CPEB2: variants seen among roughly 807,000 people sequenced by gnomAD.
The protein encoded by CPEB2 is cytoplasmic polyadenylation element binding protein 2.
Under a neutral mutation model 93.6 loss-of-function variants are expected in CPEB2, and 56 were observed. That is an observed-to-expected ratio of 0.60 (90% CI 0.48 to 0.75). CPEB2 has a LOEUF of 0.75. Among genes scored for constraint, CPEB2 ranks in the 30% least tolerant of loss-of-function variants. CPEB2 has a pLI of 0.00. For synonymous variants in CPEB2, 764 were observed against 586.3 expected, an observed-to-expected ratio of 1.30 and a Z score of -4.38; for missense variants, 1,579 against 1,395.1, an observed-to-expected ratio of 1.13 and a Z score of -2.10.
chr4:15,003,579 C>T lies in CPEB2; in HGVS notation c.906C>T (p.Ala302=). Residue 302 remains alanine, a synonymous_variant, in exon 1 of 12, where the codon GCC becomes GCT. Transcript: ENST00000538197. ...CCGAGTCCCCCAATGCGGGCTTGGCCTCCTCGACGCCGGTGAACCCCGCGC... is the reference window on the plus strand; with the variant it reads ...CCGAGTCCCCCAATGCGGGCTTGGCTTCCTCGACGCCGGTGAACCCCGCGC... ...SAAESPNAGL[A]SSTPVNPAPG... 2.7e-6 allele frequency: 4 copies of T among 1,475,132 alleles called. No homozygotes were observed. Among genetic ancestry groups the T allele is most frequent in the Non-Finnish European group, 2.7e-6 (3 of 1,117,386 alleles). The allele number at this position is 1,475,132 out of a possible 1,614,324, so 91.4% of individuals were successfully genotyped here.
intron 5 of CPEB2, among the ~76,000 whole-genome samples, chr4:15,033,452 T>A (rs1409518755): frequency 6.6e-6 from 1 of 152,206 alleles, no homozygotes; most frequent in East Asian, 1.9e-4. Context: ...CAGTCCTGGT[T>A]TGAATATTGC....
At chr4:15,057,707 CCAGA>C (rs910247454) in intron 8 of CPEB2, among the ~76,000 whole-genome samples, 4 of 152,226 alleles carry the variant, frequency 2.6e-5, no homozygotes, top group Non-Finnish European at 5.9e-5. Context: ...TAGATAGTCT[CCAGA>C]CAGTTTGAAA....
chr4:15,003,893 CGCCACCCCAGCA>C lies in CPEB2; in HGVS notation c.1224_1235del (p.Gln411_Gln414del), dbSNP rs1472954672. 4.5e-6 allele frequency: 4 copies of C among 884,004 alleles called. No individual in the cohort carries two copies. The highest frequency in any genetic ancestry group is 4.3e-5 in the Admixed American group (1 of 23,142). The allele number at this position is 884,004 out of a possible 1,614,324, so 54.8% of individuals were successfully genotyped here. On this transcript the variant is annotated inframe_deletion, in exon 1 of 12. Transcript: ENST00000538197. Reference sequence around the variant, plus strand: ...CCGACCCAGCCGCAGCAGCAGCCGCCGCCACCCCAGCAGCCGCCCCAGCCGCAGCCGCAGCCG... The same window carrying C: ...CCGACCCAGCCGCAGCAGCAGCCGCCGCCGCCCCAGCCGCAGCCGCAGCCG...
At chr4:15,055,995 C>T (rs1728681797) in intron 8 of CPEB2, among the ~76,000 whole-genome samples, 1 of 152,200 alleles carries the variant, frequency 6.6e-6, no homozygotes, top group African/African-American at 2.4e-5. Context: ...GTGTCTTTCA[C>T]TCCTAGCACT....
In CPEB2 at chr4:15,002,645, G is replaced by A. The variant is rs1371721578; in HGVS notation, c.-29G>A. 6 of 1,471,936 alleles carry A rather than the reference G, an allele frequency of 4.1e-6. No individual in the cohort carries two copies. The highest frequency in any genetic ancestry group is 4.5e-6 in the Non-Finnish European group (5 of 1,110,666). The allele number at this position is 1,471,936 out of a possible 1,614,324, so 91.2% of individuals were successfully genotyped here. A position where few individuals can be genotyped will look rare whatever the true frequency, so the allele number is the denominator to read the frequency against. On this transcript the variant is annotated 5_prime_UTR_variant, in exon 1 of 12. Transcript: ENST00000538197. ...CTAGGTGGGGCAGGGGACGAGGAGCGTCTCCTCCCGCTGCCGGCGGCCTGA... is the reference window on the plus strand; with the variant it reads ...CTAGGTGGGGCAGGGGACGAGGAGCATCTCCTCCCGCTGCCGGCGGCCTGA...
Position 15,002,625 on chromosome 4 carries a change from T to C in CPEB2, c.-49T>C. On this transcript the variant is annotated 5_prime_UTR_variant, in exon 1 of 12. Coordinates refer to ENST00000538197, the MANE Select transcript of CPEB2 (RefSeq NM_001177382.2). Reference sequence around the variant, plus strand: ...ACCCCAGCGCCGGCGGCTTCCTAGGTGGGGCAGGGGACGAGGAGCGTCTCC... The same window carrying C: ...ACCCCAGCGCCGGCGGCTTCCTAGGCGGGGCAGGGGACGAGGAGCGTCTCC... The C allele has an allele frequency of 7.0e-7, 1 of 1,420,462 alleles. No homozygotes were observed. The highest frequency in any genetic ancestry group is 9.2e-7 in the Non-Finnish European group (1 of 1,081,732). 88.0% of individuals were successfully genotyped at this position (1,420,462 alleles called of 1,614,324 possible).
intron 10 of CPEB2, 114 bp downstream of exon 10, chr4:15,059,415 A>T: frequency 1.8e-6 from 1 of 568,488 alleles, no homozygotes; most frequent in Non-Finnish European, 3.0e-6. Context: ...GAGCAGGAGC[A>T]GATTCTGCAT....
chr4:15,004,699 C>T (rs1462585234), intron 1 of CPEB2, among the ~76,000 whole-genome samples: 1 of 151,828 alleles, frequency 6.6e-6, no homozygotes. Context: ...CAACCCGGCC[C>T]TCCTAGCTGG....
intron 1 of CPEB2, among the ~76,000 whole-genome samples, chr4:15,006,914 G>C (rs1436705131): frequency 6.6e-6 from 1 of 152,138 alleles, no homozygotes; most frequent in East Asian, 1.9e-4. Context: ...ATTTTTAGTT[G>C]TGTGCCTAGC....
At chr4:15,034,396 A>T (rs181726553) in intron 5 of CPEB2, among the ~76,000 whole-genome samples, 1 of 152,218 alleles carries the variant, frequency 6.6e-6, no homozygotes, top group Non-Finnish European at 1.5e-5. Flanking sequence ...TCAGTTGGGA[A>T]AAGCCCTTAT....
intron 10 of CPEB2, among the ~76,000 whole-genome samples, chr4:15,061,341 A>C (rs570251022): frequency 1.3e-5 from 2 of 152,272 alleles, no homozygotes; most frequent in East Asian, 3.9e-4. Flanking sequence ...TGAACTATCA[A>C]GGAAGACTCA....
At position 15,054,781 on chromosome 4, in the gene CPEB2, A is replaced by T. The variant is rs73118173; in HGVS notation, c.2461+564A>T. 4.3e-4 allele frequency among the ~76,000 whole-genome samples: 65 copies of T among 152,302 alleles called. 1 individual carries two copies. The highest frequency in any genetic ancestry group is 1.4e-3 in the African/African-American group (60 of 41,558). ...GTCACCATCTGTGGGGAGAGGAAGT[A>T]TATCCTGCCCCCAATAACAAGAGGA... On this transcript the variant is annotated intron_variant, in intron 8 of 11. Transcript: ENST00000538197.
intron 10 of CPEB2, among the ~76,000 whole-genome samples, chr4:15,060,751 T>G (rs745753832): frequency 1.3e-5 from 2 of 152,144 alleles, no homozygotes; most frequent in Non-Finnish European, 2.9e-5. Context: ...TGGTATCTGG[T>G]GTATTTTTTA....
At chr4:15,065,180 C>G (rs1205861719) in intron 11 of CPEB2, among the ~76,000 whole-genome samples, 1 of 152,006 alleles carries the variant, frequency 6.6e-6, no homozygotes, top group African/African-American at 2.4e-5. Flanking sequence ...CGGAAAATAT[C>G]CTTATATTCA....
chr4:15,055,927 A>G (rs1302524404), intron 8 of CPEB2, among the ~76,000 whole-genome samples: 1 of 152,144 alleles, frequency 6.6e-6, no homozygotes, highest in Non-Finnish European at 1.5e-5. Flanking sequence ...GATCACAGAA[A>G]ACATTGAGGA....
At chr4:15,040,321 A>G (rs1275347063) in intron 5 of CPEB2, 143 bp from the exon 6 acceptor site, 4 of 644,494 alleles carry the variant, frequency 6.2e-6, no homozygotes, top group Non-Finnish European at 1.1e-5. Context: ...TTTAAATCTT[A>G]TATGGTGACA....
Position 15,068,977 on chromosome 4 carries a change from A to AG in CPEB2, c.*2599dup, listed in dbSNP as rs1484982749. ...TTCTAACTTTTAAACACTGTATTGG[A>AG]GGTTTTTTTTTAATTTACAGATCAT... On this transcript the variant is annotated 3_prime_UTR_variant, in exon 12 of 12. Coordinates refer to ENST00000538197, the MANE Select transcript of CPEB2 (RefSeq NM_001177382.2). 6 of 116,616 alleles carry AG rather than the reference A, an allele frequency of 5.1e-5. No homozygotes were observed. Among genetic ancestry groups the AG allele is most frequent in the South Asian group, 2.3e-4 (1 of 4,334 alleles). 7.2% of individuals were successfully genotyped at this position (116,616 alleles called of 1,614,324 possible).
In CPEB2 at chr4:15,058,426, G is replaced by T. The variant is rs1265866002; in HGVS notation, c.2467G>T (p.Ala823Ser). The T allele has an allele frequency of 1.9e-6, 3 of 1,586,218 alleles. No homozygotes were observed. In the Admixed American group the frequency reaches 5.0e-5, roughly 27 times the overall value. Residue 823 changes from alanine to serine, a missense_variant, in exon 9 of 12, where the codon GCA becomes TCA. This residue lies in a region of CPEB2 where 168 missense variants were observed against 339.1 expected (regional missense o/e 0.50). Coordinates refer to ENST00000538197, the MANE Select transcript of CPEB2 (RefSeq NM_001177382.2). ...ATCTTTAATGGTTATTCCAGGCTAT[G>T]CATTTCTTCTCTTTCAAGAAGAGAG... ...SKSYFPPKGY[A>S]FLLFQEESSV...
At chr4:15,012,718 A>G (rs1411241942) in intron 3 of CPEB2, among the ~76,000 whole-genome samples, 2 of 152,294 alleles carry the variant, frequency 1.3e-5, no homozygotes, top group African/African-American at 4.8e-5. Flanking sequence ...TAAAGTAAAA[A>G]TTAGAGAACT....
Sources: gnomAD v4.1 joint callset for allele counts (sites outside exome capture counted in the v4.1 genomes callset) on GRCh38, gnomAD v4.1.1 for gene constraint, gnomAD v4.1.1 regional missense constraint, MANE v1.5 for transcripts, NCBI Gene and HGNC (gene_info 2026-07-23, HGNC 2026-07-21) for gene names.